PPARGC1A: variants seen among roughly 807,000 people sequenced by gnomAD.
PPARGC1A encodes peroxisome proliferator-activated receptor gamma coactivator 1-alpha.
In PPARGC1A, 25 loss-of-function variants were observed where a neutral mutation model predicts 88.7. That is an observed-to-expected ratio of 0.28 (90% CI 0.21 to 0.39). The LOEUF (loss-of-function observed/expected upper bound fraction) is 0.39, where lower values mean the gene tolerates loss of function less well. Ranked by LOEUF, PPARGC1A falls within the 10% of genes least tolerant of loss-of-function variation. The probability of loss-of-function intolerance (pLI) is 1.00; values close to 1 mark genes in which losing one functional copy is unlikely to be tolerated. For synonymous variants in PPARGC1A, 363 were observed against 355.6 expected, an observed-to-expected ratio of 1.02 and a Z score of -0.24; for missense variants, 880 against 968.7, an observed-to-expected ratio of 0.91 and a Z score of 1.22.
the PPARGC1A span, among the ~76,000 whole-genome samples, chr4:23,921,148 G>A: frequency 8.6e-4 from 129 of 150,664 alleles, 1 homozygote; most frequent in African/African-American, 3.0e-3. Context: ...CACTCACCCC[G>A]TTCTTCTGAG....
chr4:24,433,846 G>T, the PPARGC1A span, among the ~76,000 whole-genome samples: 14 of 152,114 alleles, frequency 9.2e-5, no homozygotes, highest in African/African-American at 3.1e-4. Flanking sequence ...AAGCTATTAA[G>T]TCTCCTCAAC....
chr4:23,992,637 C>T, the PPARGC1A span, among the ~76,000 whole-genome samples: 1 of 148,534 alleles, frequency 6.7e-6, no homozygotes, highest in African/African-American at 2.5e-5. Flanking sequence ...GATTGTTAAT[C>T]GTACCTTTTG....
chr4:24,301,208 T>G, the PPARGC1A span, among the ~76,000 whole-genome samples: 1 of 152,180 alleles, frequency 6.6e-6, no homozygotes, highest in Non-Finnish European at 1.5e-5. Flanking sequence ...TAGTAGATAT[T>G]TTTTCAATCT....
the PPARGC1A span, among the ~76,000 whole-genome samples, chr4:24,008,704 TAAA>T: frequency 8.7e-3 from 1,303 of 150,466 alleles, 40 homozygotes; most frequent in East Asian, 0.09. Flanking sequence ...GCTTTTGATA[TAAA>T]AAAAAAAAAC....
the PPARGC1A span, among the ~76,000 whole-genome samples, chr4:24,161,291 C>T: frequency 1.3e-5 from 2 of 152,306 alleles, no homozygotes; most frequent in African/African-American, 4.8e-5. Flanking sequence ...TCAGCTTTTG[C>T]TCATAATTAG....
the PPARGC1A span, among the ~76,000 whole-genome samples, chr4:23,917,813 T>G: frequency 6.6e-6 from 1 of 152,228 alleles, no homozygotes; most frequent in Non-Finnish European, 1.5e-5. Flanking sequence ...TGCCATATTA[T>G]TTCTGGTAGG....
chr4:23,969,002 C>T, the PPARGC1A span, among the ~76,000 whole-genome samples: 1 of 152,182 alleles, frequency 6.6e-6, no homozygotes, highest in Non-Finnish European at 1.5e-5. Flanking sequence ...AAAGGGCTTT[C>T]ACCAGAGAGA....
chr4:23,846,022 A>G (rs1416021064), intron 2 of PPARGC1A, among the ~76,000 whole-genome samples: 1 of 152,204 alleles, frequency 6.6e-6, no homozygotes, highest in Non-Finnish European at 1.5e-5. Context: ...ACATTGGGTT[A>G]GACAAAGCAG....
At chr4:23,920,309 G>C in the PPARGC1A span, among the ~76,000 whole-genome samples, 543 of 152,210 alleles carry the variant, frequency 3.6e-3, 1 homozygote, top group African/African-American at 0.012. Context: ...TAAACTACCA[G>C]GTCTTTTCCC....
the PPARGC1A span, among the ~76,000 whole-genome samples, chr4:23,946,861 T>C: frequency 3.3e-5 from 5 of 151,790 alleles, no homozygotes; most frequent in African/African-American, 4.8e-5. Context: ...TATGTAACCA[T>C]TGTCATTAAC....
chr4:23,820,465 G>A (rs534914028), intron 7 of PPARGC1A: 32 of 242,254 alleles, frequency 1.3e-4, no homozygotes, highest in African/African-American at 6.5e-4. Flanking sequence ...GGTTTAAACC[G>A]TCACCTTGTT....
At chr4:24,252,313 C>T in the PPARGC1A span, among the ~76,000 whole-genome samples, 1 of 152,090 alleles carries the variant, frequency 6.6e-6, no homozygotes, top group Non-Finnish European at 1.5e-5. Context: ...GGGTTAAGGA[C>T]CAGGAATCAC....
the PPARGC1A span, among the ~76,000 whole-genome samples, chr4:24,180,656 T>A: frequency 2.6e-5 from 4 of 152,112 alleles, no homozygotes; most frequent in African/African-American, 7.2e-5. Flanking sequence ...CCCCACTGAC[T>A]TTTTTACTCT....
intron 2 of PPARGC1A, among the ~76,000 whole-genome samples, chr4:23,855,499 G>C (rs926355499): frequency 6.6e-6 from 1 of 152,144 alleles, no homozygotes; most frequent in Middle Eastern, 3.2e-3. Flanking sequence ...TACTATGCTC[G>C]ATGCTTCTAA....
the PPARGC1A span, among the ~76,000 whole-genome samples, chr4:24,470,686 G>A: frequency 6.6e-6 from 1 of 151,830 alleles, no homozygotes; most frequent in Non-Finnish European, 1.5e-5. This position sits in a 1 kb window ranked among gnomAD's most constrained non-coding sequence, Gnocchi z 5.8. Context: ...AACGGCCGGC[G>A]TACTTCCCGG....
chr4:24,004,626 G>T, the PPARGC1A span, among the ~76,000 whole-genome samples: 4 of 152,112 alleles, frequency 2.6e-5, no homozygotes, highest in Admixed American at 2.6e-4. Context: ...AAAATGAAGG[G>T]GACAGTTTAT....
At chr4:24,069,516 C>T in the PPARGC1A span, among the ~76,000 whole-genome samples, 5 of 152,160 alleles carry the variant, frequency 3.3e-5, no homozygotes, top group African/African-American at 1.2e-4. Flanking sequence ...GGTCATACTG[C>T]CTTGTATTGT....
At chr4:23,920,111 A>C in the PPARGC1A span, among the ~76,000 whole-genome samples, 1 of 152,248 alleles carries the variant, frequency 6.6e-6, no homozygotes, top group Non-Finnish European at 1.5e-5. Context: ...TTAACTCAGC[A>C]AGAAGAGAGG....
chr4:23,878,431 G>T (rs923107596), intron 2 of PPARGC1A, among the ~76,000 whole-genome samples: 7 of 151,676 alleles, frequency 4.6e-5, no homozygotes, highest in Admixed American at 4.6e-4. Context: ...GAAAGTTAGT[G>T]CCAGTGAAAG....
Sources: allele counts gnomAD v4.1 joint callset (sites outside exome capture counted in the v4.1 genomes callset), GRCh38; gene constraint gnomAD v4.1.1; non-coding constraint Gnocchi (gnomAD v3.1); transcripts MANE v1.5; gene names NCBI Gene and HGNC (gene_info 2026-07-23, HGNC 2026-07-21).